DYNC1H1: variants seen among roughly 807,000 people sequenced by gnomAD.
DYNC1H1 encodes cytoplasmic dynein 1 heavy chain 1.
A neutral mutation model predicts 527.1 loss-of-function variants in DYNC1H1; 51 were observed. That is an observed-to-expected ratio of 0.10 (90% confidence interval 0.08 to 0.12). DYNC1H1 has a LOEUF of 0.12. Among genes scored for constraint, DYNC1H1 ranks in the 10% least tolerant of loss-of-function variants. The pLI is 1.00. For synonymous variants in DYNC1H1, 2,189 were observed against 2,278.8 expected (o/e 0.96, Z 1.12); for missense variants, 2,771 against 5,971.8 (o/e 0.46, Z 17.66).
rs1220270837 is a variant in DYNC1H1, at chr14:101,983,824, C to T, written c.1461+215C>T. Among the ~76,000 whole-genome samples, 1 of 151,918 alleles carries T rather than the reference C, an allele frequency of 6.6e-6. No homozygotes were observed. Among genetic ancestry groups the T allele is most frequent in the Non-Finnish European group, 1.5e-5 (1 of 67,982 alleles). ...TCTCGAGTAGCTGGGATTACAGGTG[C>T]CTGCCACCACGCCCGGCTAATTGTT... On this transcript the variant is annotated intron_variant, in intron 7 of 77. Coordinates refer to ENST00000360184, the MANE Select transcript of DYNC1H1 (RefSeq NM_001376.5). The surrounding 1 kb of genome is among the most constrained non-coding windows in gnomAD (Gnocchi z 5.3).
intron 29 of DYNC1H1, among the ~76,000 whole-genome samples, chr14:102,008,995 G>C (rs1195984612): frequency 6.6e-6 from 1 of 152,164 alleles, no homozygotes; most frequent in Non-Finnish European, 1.5e-5. Flanking sequence ...GCGGGCCCTT[G>C]GTGCCCCCTC....
Position 102,042,941 on chromosome 14 carries a change from C to A in DYNC1H1, c.12513+193C>A. The A allele has an allele frequency of 3.0e-6, 2 of 670,652 alleles. No homozygotes were observed. Among genetic ancestry groups the A allele is most frequent in the Non-Finnish European group, 5.3e-6 (2 of 378,492 alleles). 41.5% of individuals were successfully genotyped at this position (670,652 alleles called of 1,614,324 possible). On this transcript the variant is annotated intron_variant, in intron 69 of 77. Coordinates refer to ENST00000360184, the MANE Select transcript of DYNC1H1 (RefSeq NM_001376.5). This position sits in a 1 kb window ranked among gnomAD's most constrained non-coding sequence, Gnocchi z 5.7. ...GTGGCTCACACTGGTAATCCTAGCA[C>A]TTTGGAAGGTCGAGGTGGGAGGATC...
Position 102,002,734 on chromosome 14 carries a change from C to G in DYNC1H1, c.4709+31C>G. 2 of 1,614,226 alleles carry G rather than the reference C, an allele frequency of 1.2e-6. No homozygotes were observed. Among genetic ancestry groups the G allele is most frequent in the Non-Finnish European group, 1.7e-6 (2 of 1,180,046 alleles). On this transcript the variant is annotated intron_variant, in intron 22 of 77. Transcript: ENST00000360184. This position sits in a 1 kb window ranked among gnomAD's most constrained non-coding sequence, Gnocchi z 4.4. ...GCCTCCAGCCAGAGAGCCAAATTTG[C>G]CAGCGGCTAGTGACTACTCTACACA...
rs191434789 is a variant in DYNC1H1, at chr14:102,026,997, G to A, written c.8772-177G>A. On this transcript the variant is annotated intron_variant, in intron 44 of 77. Coordinates refer to ENST00000360184, the MANE Select transcript of DYNC1H1 (RefSeq NM_001376.5). Reference sequence around the variant, plus strand: ...TCATGTCAGTCTAGAGGACAGGACCGTGTCTTACTGGTCTTTGCATTCCTC... The same window carrying A: ...TCATGTCAGTCTAGAGGACAGGACCATGTCTTACTGGTCTTTGCATTCCTC... 5.7e-5 allele frequency: 49 copies of A among 854,374 alleles called. 1 individual carries two copies. The highest frequency in any genetic ancestry group is 2.6e-4 in the South Asian group (18 of 70,332). The allele number at this position is 854,374 out of a possible 1,614,324, so 52.9% of individuals were successfully genotyped here. A position where few individuals can be genotyped will look rare whatever the true frequency, so the allele number is the denominator to read the frequency against.
Position 102,036,168 on chromosome 14 carries a change from C to T in DYNC1H1, c.10755-321C>T, listed in dbSNP as rs543867032. 1.7e-5 allele frequency: 6 copies of T among 353,642 alleles called. No homozygotes were observed. Among genetic ancestry groups the T allele is most frequent in the South Asian group, 9.3e-5 (4 of 43,084 alleles). The allele number at this position is 353,642 out of a possible 1,614,324, so 21.9% of individuals were successfully genotyped here. ...GTTGATACGTGCTGTCTAGAAGGAT[C>T]GTAAACATGAAAAAGCTATTCTAAC... On this transcript the variant is annotated intron_variant, in intron 56 of 77. Transcript: ENST00000360184. This position sits in a 1 kb window ranked among gnomAD's most constrained non-coding sequence, Gnocchi z 5.6.
At chr14:102,023,743 G>A (rs1216516695) in intron 43 of DYNC1H1, 2 of 152,586 alleles carry the variant, frequency 1.3e-5, no homozygotes, top group Non-Finnish European at 2.9e-5. Flanking sequence ...CAGCTACTCA[G>A]GAGTCTGAGA....
intron 10 of DYNC1H1, among the ~76,000 whole-genome samples, chr14:101,990,667 A>G (rs1477954717): frequency 6.6e-6 from 1 of 151,874 alleles, no homozygotes; most frequent in East Asian, 1.9e-4. Flanking sequence ...TTGAGCTCTG[A>G]AGTTTGAGAC....
rs895548412 is a variant in DYNC1H1 at position 102,015,510 on chromosome 14, T to G, written c.7242+178T>G. ...TCACTGTACCCAGCCAACTTTTGTG[T>G]AATCAATGTTGTCTTCTGCCAGCTT... On this transcript the variant is annotated intron_variant, in intron 35 of 77. Coordinates refer to ENST00000360184, the MANE Select transcript of DYNC1H1 (RefSeq NM_001376.5). This position sits in a 1 kb window ranked among gnomAD's most constrained non-coding sequence, Gnocchi z 6.9. 1.3e-5 allele frequency among the ~76,000 whole-genome samples: 2 copies of G among 152,212 alleles called. No individual in the cohort carries two copies. The highest frequency in any genetic ancestry group is 4.8e-5 in the African/African-American group (2 of 41,436).
intron 52 of DYNC1H1, 166 bp downstream of exon 52, chr14:102,032,633 C>A: frequency 1.1e-6 from 1 of 913,500 alleles, no homozygotes. Context: ...AGGTGAAGTG[C>A]TTGAGCCTAG....
At position 102,002,925 on chromosome 14, in the gene DYNC1H1, T is replaced by C. The variant is rs375058473; in HGVS notation, c.4843T>C (p.Leu1615=). 1.8e-5 allele frequency: 29 copies of C among 1,614,092 alleles called. No homozygotes were observed. Among genetic ancestry groups the C allele is most frequent in the Middle Eastern group, 1.6e-4 (1 of 6,084 alleles). The part of the protein sequence containing the change: ...ADLLGKIQKA[L]GEYLERERSS... ...CCTGCTAGGAAAGATCCAGAAAGCA[T>C]TGGGAGAATATCTGGAAAGAGAGCG... Residue 1615 remains leucine (L), a synonymous_variant, in exon 23 of 78, where the codon TTG becomes CTG. Coordinates refer to ENST00000360184, the MANE Select transcript of DYNC1H1 (RefSeq NM_001376.5). This position sits in a 1 kb window ranked among gnomAD's most constrained non-coding sequence, Gnocchi z 4.4.
intron 8 of DYNC1H1, 78 bp from the exon 9 acceptor site, chr14:101,987,375 T>C (rs2141275682): frequency 6.9e-7 from 1 of 1,450,586 alleles, no homozygotes; most frequent in Non-Finnish European, 9.5e-7. Flanking sequence ...ATGTATAATA[T>C]TTGAGAAGAA....
Position 102,011,000 on chromosome 14 carries a change from CTT to C in DYNC1H1, c.6618+50_6618+51del. ...CCACTGCCCTCACAGACCCTGCTGGCTTTAGTGTCTGGTAATGACAACCGTGG... is the reference window on the plus strand; with the variant it reads ...CCACTGCCCTCACAGACCCTGCTGGCTAGTGTCTGGTAATGACAACCGTGG... On this transcript the variant is annotated intron_variant, in intron 32 of 77. Transcript: ENST00000360184. The surrounding 1 kb of genome is among the most constrained non-coding windows in gnomAD (Gnocchi z 6.0). The C allele has an allele frequency of 6.2e-7, 1 of 1,601,548 alleles. No individual in the cohort carries two copies. Among genetic ancestry groups the C allele is most frequent in the Non-Finnish European group, 8.6e-7 (1 of 1,168,962 alleles).
In DYNC1H1 at chr14:102,027,186, A is replaced by G. The variant is rs149753029; in HGVS notation, c.8784A>G (p.Gln2928=). 817 of 1,614,120 alleles carry G rather than the reference A, an allele frequency of 5.1e-4. 2 individuals are homozygous for G. Among genetic ancestry groups the G allele is most frequent in the Admixed American group, 8.0e-4 (48 of 60,006 alleles). The change falls in exon 45 of 78, where the codon CAA becomes CAG. Residue 2928 remains glutamine, a synonymous_variant. Coordinates refer to ENST00000360184, the MANE Select transcript of DYNC1H1 (RefSeq NM_001376.5). This position sits in a 1 kb window ranked among gnomAD's most constrained non-coding sequence, Gnocchi z 7.7. Reference sequence around the variant, plus strand: ...CGTAATGTTTCAGAATATTCCGTCAACCTCAAGGCCACTTGCTTCTGATTG... The same window carrying G: ...CGTAATGTTTCAGAATATTCCGTCAGCCTCAAGGCCACTTGCTTCTGATTG... ...HVLRIDRIFR[Q]PQGHLLLIGV...
In DYNC1H1 at chr14:102,017,541, G is replaced by T. The variant is rs745908797; in HGVS notation, c.8177+37G>T. On this transcript the variant is annotated intron_variant, in intron 40 of 77. Transcript: ENST00000360184. The surrounding 1 kb of genome is among the most constrained non-coding windows in gnomAD (Gnocchi z 4.6). ...CGGTAGACTGCTCTGCTTCACACAC[G>T]CACAGCTCCAGGATTGCTGTAAACA... 56 of 1,605,940 alleles carry T rather than the reference G, an allele frequency of 3.5e-5. No individual in the cohort carries two copies. Among genetic ancestry groups the T allele is most frequent in the Non-Finnish European group, 4.6e-5 (54 of 1,177,960 alleles).
chr14:102,016,501 G>A lies in DYNC1H1; in HGVS notation c.7614+12G>A. ...TTATCGATTATGAGGTGAGCATGCA[G>A]CTACCACCCGTGTTTCTGATTCTCG... On this transcript the variant is annotated intron_variant, in intron 37 of 77. Coordinates refer to ENST00000360184, the MANE Select transcript of DYNC1H1 (RefSeq NM_001376.5). The surrounding 1 kb of genome is among the most constrained non-coding windows in gnomAD (Gnocchi z 7.3). 1 of 1,614,190 alleles carries A rather than the reference G, an allele frequency of 6.2e-7. No homozygotes were observed. Among genetic ancestry groups the A allele is most frequent in the Non-Finnish European group, 8.5e-7 (1 of 1,180,046 alleles).
chr14:102,011,520 A>G lies in DYNC1H1; in HGVS notation c.6619-355A>G, dbSNP rs1023380185. The G allele has an allele frequency of 3.9e-5, 14 of 356,676 alleles. No individual in the cohort carries two copies. The highest frequency in any genetic ancestry group is 2.1e-4 in the African/African-American group (10 of 47,004). 22.1% of individuals were successfully genotyped at this position (356,676 alleles called of 1,614,324 possible). On this transcript the variant is annotated intron_variant, in intron 32 of 77. Transcript: ENST00000360184. This position sits in a 1 kb window ranked among gnomAD's most constrained non-coding sequence, Gnocchi z 5.3. ...CTGGCTCCAGCCTTCCTGACTTACTAAAGAACTCGCCACAGTTTGGAAATG... is the reference window on the plus strand; with the variant it reads ...CTGGCTCCAGCCTTCCTGACTTACTGAAGAACTCGCCACAGTTTGGAAATG...
At position 102,033,587 on chromosome 14, in the gene DYNC1H1, C is replaced by T; in HGVS notation, c.10413+103C>T. On this transcript the variant is annotated intron_variant, in intron 54 of 77. Coordinates refer to ENST00000360184, the MANE Select transcript of DYNC1H1 (RefSeq NM_001376.5). This position sits in a 1 kb window ranked among gnomAD's most constrained non-coding sequence, Gnocchi z 5.6. ...CACCATGCTGGCCTCGGTGAATTCG[C>T]TCTTTAACATCTGTAAGGCCCCGGA... is the stretch of plus-strand genomic sequence containing the variant. 1.1e-5 allele frequency: 16 copies of T among 1,459,416 alleles called. No homozygotes were observed. Among genetic ancestry groups the T allele is most frequent in the Non-Finnish European group, 1.5e-5 (16 of 1,066,536 alleles). 90.4% of individuals were successfully genotyped at this position (1,459,416 alleles called of 1,614,324 possible). A position where few individuals can be genotyped will look rare whatever the true frequency, so the allele number is the denominator to read the frequency against.
At chr14:101,967,536 T>C (rs1051330283) in intron 1 of DYNC1H1, among the ~76,000 whole-genome samples, 2 of 152,192 alleles carry the variant, frequency 1.3e-5, no homozygotes, top group African/African-American at 2.4e-5. Flanking sequence ...CCATAAACTT[T>C]TGTTGTTAAA....
chr14:101,986,098 G>A lies in DYNC1H1; in HGVS notation c.1873G>A (p.Val625Ile). Reference protein sequence around the residue: ...DIESLHDKFKVQYPQSQACKM... With the variant: ...DIESLHDKFKIQYPQSQACKM... ...TGAGTCTCTTCACGACAAGTTCAAG[G>A]TCCAGTACCCACAGAGTCAGGCTTG... Residue 625 changes from valine (V) to isoleucine (I), a missense_variant, in exon 8 of 78, where the codon GTC becomes ATC. Transcript: ENST00000360184. The surrounding 1 kb of genome is among the most constrained non-coding windows in gnomAD (Gnocchi z 8.7). 6.2e-7 allele frequency: 1 copy of A among 1,614,228 alleles called. No individual in the cohort carries two copies. The highest frequency in any genetic ancestry group is 8.5e-7 in the Non-Finnish European group (1 of 1,180,042).
Sources: gnomAD v4.1 joint callset for allele counts (sites outside exome capture counted in the v4.1 genomes callset) on GRCh38, gnomAD v4.1.1 for gene constraint, Gnocchi (gnomAD v3.1) non-coding constraint, MANE v1.5 for transcripts, NCBI Gene and HGNC (gene_info 2026-07-23, HGNC 2026-07-21) for gene names.